FSTL5: variants seen among roughly 807,000 people sequenced by gnomAD.
FSTL5 encodes follistatin like 5, also known as follistatin-related protein 5.
In FSTL5, 62 loss-of-function variants were observed where a neutral mutation model predicts 89.1. The observed-to-expected ratio is 0.70, with a 90% CI of 0.57 to 0.86. The LOEUF (loss-of-function observed/expected upper bound fraction) is 0.86. FSTL5 is among the 40% of genes least tolerant of loss of function. The pLI is 0.00. For missense variants in FSTL5, 1,057 were observed against 1,001.6 expected (o/e 1.06, Z -0.75); for synonymous variants, 383 against 346.2 (o/e 1.11, Z -1.18).
At chr4:162,010,189 C>G (rs867780709) in intron 3 of FSTL5, among the ~76,000 whole-genome samples, 3 of 152,008 alleles carry the variant, frequency 2.0e-5, no homozygotes, top group Non-Finnish European at 4.4e-5. Context: ...GGCAATGTAT[C>G]ACAAACTATT....
intron 6 of FSTL5, among the ~76,000 whole-genome samples, chr4:161,758,644 A>G (rs1740666683): frequency 6.6e-6 from 1 of 152,090 alleles, no homozygotes; most frequent in African/African-American, 2.4e-5. Context: ...CAGCCTCCTG[A>G]GTAGCTGGGA....
At chr4:162,054,603 T>C (rs547525900) in intron 2 of FSTL5, among the ~76,000 whole-genome samples, 1 of 151,912 alleles carries the variant, frequency 6.6e-6, no homozygotes, top group African/African-American at 2.4e-5. Flanking sequence ...ATTCTCCCTG[T>C]TGAAAATAAT....
chr4:161,566,464 A>G (rs1398198770), intron 8 of FSTL5, among the ~76,000 whole-genome samples: 1 of 151,944 alleles, frequency 6.6e-6, no homozygotes, highest in East Asian at 1.9e-4. Context: ...TCTCTTGGGT[A>G]TATGCCCAGT....
At chr4:161,801,709 A>C (rs1456061991) in intron 4 of FSTL5, among the ~76,000 whole-genome samples, 6 of 150,980 alleles carry the variant, frequency 4.0e-5, no homozygotes, top group African/African-American at 1.5e-4. Context: ...TAAGTATCTT[A>C]TCTAGCTAAT....
At chr4:161,922,977 C>A (rs1734032097) in intron 3 of FSTL5, among the ~76,000 whole-genome samples, 1 of 151,748 alleles carries the variant, frequency 6.6e-6, no homozygotes, top group South Asian at 2.1e-4. Flanking sequence ...AGAAACTGTA[C>A]CCTAACTTAT....
chr4:162,143,372 T>A (rs1326791947), intron 1 of FSTL5, among the ~76,000 whole-genome samples: 3 of 152,130 alleles, frequency 2.0e-5, no homozygotes, highest in Non-Finnish European at 4.4e-5. Flanking sequence ...TAATATTTAA[T>A]TATGGATGTA....
intron 7 of FSTL5, among the ~76,000 whole-genome samples, chr4:161,607,155 A>G (rs1486605958): frequency 2.0e-5 from 3 of 152,194 alleles, no homozygotes; most frequent in African/African-American, 2.4e-5. Flanking sequence ...AAGACTGTCA[A>G]TTAGGTAATA....
intron 15 of FSTL5, among the ~76,000 whole-genome samples, chr4:161,411,981 A>C (rs896823301): frequency 3.3e-5 from 5 of 152,188 alleles, no homozygotes; most frequent in Admixed American, 2.6e-4. Context: ...ATTGATAAAC[A>C]ACTTATTAAG....
chr4:162,082,168 T>G (rs1423598407), intron 2 of FSTL5, among the ~76,000 whole-genome samples: 1 of 151,514 alleles, frequency 6.6e-6, no homozygotes, highest in Non-Finnish European at 1.5e-5. Flanking sequence ...TGATCTCTAA[T>G]CTCCTTTCTA....
At chr4:162,079,695 T>C (rs1730011816) in intron 2 of FSTL5, among the ~76,000 whole-genome samples, 1 of 151,476 alleles carries the variant, frequency 6.6e-6, no homozygotes, top group South Asian at 2.1e-4. Context: ...AAAAGTCTTA[T>C]AATGAGAATA....
intron 8 of FSTL5, among the ~76,000 whole-genome samples, chr4:161,549,221 T>A (rs188555272): frequency 6.6e-6 from 1 of 151,826 alleles, no homozygotes; most frequent in Non-Finnish European, 1.5e-5. Context: ...GATGTTGAGT[T>A]CATTTTCAAA....
In FSTL5 at chr4:161,760,341, T is replaced by A. The variant is rs60884831; in HGVS notation, c.607-810A>T. Among the ~76,000 whole-genome samples, 711 of 152,284 alleles carry A rather than the reference T, an allele frequency of 4.7e-3. 4 individuals are homozygous for A. Among genetic ancestry groups the A allele is most frequent in the African/African-American group, 0.017 (689 of 41,548 alleles). ...TAGCTGTGACCATGGTTTTTCATAC[T>A]CTCTCACATACAAAGGCAGGGATTT... On this transcript the variant is annotated intron_variant, in intron 5 of 15. Transcript: ENST00000306100.
intron 7 of FSTL5, among the ~76,000 whole-genome samples, chr4:161,587,861 T>C (rs1436023063): frequency 6.6e-6 from 1 of 152,228 alleles, no homozygotes; most frequent in Non-Finnish European, 1.5e-5. Flanking sequence ...ATATGTGTTC[T>C]AATTTAGTTC....
At chr4:161,433,226 C>A (rs1732442568) in intron 15 of FSTL5, among the ~76,000 whole-genome samples, 1 of 151,708 alleles carries the variant, frequency 6.6e-6, no homozygotes, top group East Asian at 1.9e-4. Context: ...AGTTATTCAA[C>A]ATGACCAAGT....
chr4:161,769,489 T>C (rs552728577), intron 5 of FSTL5, among the ~76,000 whole-genome samples: 1 of 152,150 alleles, frequency 6.6e-6, no homozygotes, highest in South Asian at 2.1e-4. Flanking sequence ...TCATTCATCA[T>C]GATCAAGTGG....
intron 2 of FSTL5, among the ~76,000 whole-genome samples, chr4:162,092,562 T>A (rs1730589064): frequency 6.6e-6 from 1 of 152,090 alleles, no homozygotes; most frequent in Admixed American, 6.6e-5. Context: ...TGAAAGTAAC[T>A]CATTTTGAGA....
intron 4 of FSTL5, among the ~76,000 whole-genome samples, chr4:161,825,955 T>C (rs1730654287): frequency 6.6e-6 from 1 of 152,160 alleles, no homozygotes; most frequent in Non-Finnish European, 1.5e-5. Flanking sequence ...CTCTAGTTCC[T>C]TGAGGTGTGG....
chr4:161,909,599 C>T (rs927921328), intron 4 of FSTL5, among the ~76,000 whole-genome samples: 1 of 152,116 alleles, frequency 6.6e-6, no homozygotes, highest in African/African-American at 2.4e-5. Flanking sequence ...GCAACTGATG[C>T]TTCATTTCTT....
chr4:161,760,165 G>A (rs1257519202), intron 5 of FSTL5, among the ~76,000 whole-genome samples: 1 of 152,180 alleles, frequency 6.6e-6, no homozygotes, highest in East Asian at 1.9e-4. Flanking sequence ...CCAGGCGTGA[G>A]TGAAGAAAAT....
Sources: allele counts gnomAD v4.1 joint callset (sites outside exome capture counted in the v4.1 genomes callset), GRCh38; gene constraint gnomAD v4.1.1; transcripts MANE v1.5; gene names NCBI Gene and HGNC (gene_info 2026-07-23, HGNC 2026-07-21).